Variants in QSOX1 observed in about 807,000 individuals in gnomAD.
QSOX1 encodes the protein sulfhydryl oxidase 1.
Under a neutral mutation model 76.1 loss-of-function variants are expected in QSOX1, and 40 were observed. The observed-to-expected ratio is 0.53, with a 90% CI of 0.41 to 0.68. QSOX1 has a LOEUF of 0.68. QSOX1 is among the 30% of genes least tolerant of loss of function. The pLI, the probability that QSOX1 is intolerant of heterozygous loss-of-function variation, is 0.00. For missense variants in QSOX1, 931 were observed against 974.3 expected (o/e 0.96, Z 0.59); for synonymous variants, 392 against 413.1 (o/e 0.95, Z 0.62).
chr1:180,179,679 T>TC (rs1233027774), intron 5 of QSOX1, among the ~76,000 whole-genome samples: 2 of 152,210 alleles, frequency 1.3e-5, no homozygotes, highest in African/African-American at 4.8e-5. Context: ...CGGGAGATAC[T>TC]CCAAGTCAGT....
chr1:180,155,219 C>T, intron 1 of QSOX1, 47 bp downstream of exon 1: 2 of 1,414,598 alleles, frequency 1.4e-6, no homozygotes, highest in East Asian at 6.0e-5. Flanking sequence ...CCGCCCGGAC[C>T]CCTCCACCTG....
intron 2 of QSOX1, among the ~76,000 whole-genome samples, chr1:180,174,781 G>A (rs1662843752): frequency 6.6e-6 from 1 of 152,128 alleles, no homozygotes; most frequent in African/African-American, 2.4e-5. Flanking sequence ...GCTTCTGAGG[G>A]GTGTGGGAGG....
chr1:180,184,140 T>C lies in QSOX1; in HGVS notation c.887+90T>C, dbSNP rs1055778952. On this transcript the variant is annotated intron_variant, in intron 7 of 11. Coordinates refer to ENST00000367602, the MANE Select transcript of QSOX1 (RefSeq NM_002826.5). Reference sequence around the variant, plus strand: ...ACACCCACGCCCTCTTGCTCATTCTTCTTCCTTGTCATATGATTAGTGTGT... The same window carrying C: ...ACACCCACGCCCTCTTGCTCATTCTCCTTCCTTGTCATATGATTAGTGTGT... 8 of 1,476,944 alleles carry C rather than the reference T, an allele frequency of 5.4e-6. No individual in the cohort carries two copies. In the African/African-American group the frequency reaches 1.1e-4, roughly 20 times the overall value. 91.5% of individuals were successfully genotyped at this position (1,476,944 alleles called of 1,614,324 possible).
chr1:180,171,757 A>G (rs1353058499), intron 2 of QSOX1, among the ~76,000 whole-genome samples: 1 of 152,186 alleles, frequency 6.6e-6, no homozygotes, highest in Non-Finnish European at 1.5e-5. Context: ...ACAGGAGAGC[A>G]GTCGAAAGTG....
At chr1:180,161,788 CTTG>C (rs1158722965) in intron 1 of QSOX1, among the ~76,000 whole-genome samples, 1 of 152,150 alleles carries the variant, frequency 6.6e-6, no homozygotes, top group Non-Finnish European at 1.5e-5. Flanking sequence ...GTAATTAATT[CTTG>C]TTGTGCTTGA....
intron 2 of QSOX1, among the ~76,000 whole-genome samples, chr1:180,173,691 T>G (rs567116972): frequency 7.2e-5 from 11 of 152,244 alleles, no homozygotes; most frequent in African/African-American, 2.6e-4. Context: ...TACAAATGTC[T>G]GTAACAAACA....
At chr1:180,186,907 G>A (rs1027273495) in intron 8 of QSOX1, among the ~76,000 whole-genome samples, 2 of 152,302 alleles carry the variant, frequency 1.3e-5, no homozygotes, top group South Asian at 2.1e-4. Flanking sequence ...CCCTCTCTGC[G>A]CCCTTCCCTT....
chr1:180,157,607 G>T (rs866788710), intron 1 of QSOX1, among the ~76,000 whole-genome samples: 5 of 152,150 alleles, frequency 3.3e-5, no homozygotes, highest in Admixed American at 2.6e-4. Context: ...ACTGAATAGG[G>T]TTCATTTCTT....
chr1:180,175,462 C>A, intron 3 of QSOX1, 96 bp downstream of exon 3: 2 of 1,356,128 alleles, frequency 1.5e-6, no homozygotes, highest in South Asian at 1.2e-5. Context: ...CCCTGGCAGT[C>A]GGCAGGGTCG....
chr1:180,178,428 A>G (rs529099944), intron 4 of QSOX1, among the ~76,000 whole-genome samples: 106 of 152,300 alleles, frequency 7.0e-4, no homozygotes, highest in African/African-American at 2.5e-3. Context: ...GGCTTTCACC[A>G]TGTTGGCCAG....
In QSOX1 at chr1:180,198,590, G is replaced by T. The variant is rs1282836831; in HGVS notation, c.*1553G>T. Reference sequence around the variant, plus strand: ...GGGATGCCAAGGCCACTCCTGCTATGGGGCAGCTGGGGCTGGGGAGGGATG... The same window carrying T: ...GGGATGCCAAGGCCACTCCTGCTATTGGGCAGCTGGGGCTGGGGAGGGATG... On this transcript the variant is annotated 3_prime_UTR_variant, in exon 12 of 12. Coordinates refer to ENST00000367602, the MANE Select transcript of QSOX1 (RefSeq NM_002826.5). The T allele has an allele frequency of 1.4e-5, 5 of 355,868 alleles. No homozygotes were observed. The highest frequency in any genetic ancestry group is 2.3e-5 in the Non-Finnish European group (4 of 177,212). 22.0% of individuals were successfully genotyped at this position (355,868 alleles called of 1,614,324 possible).
At chr1:180,194,429 T>G in intron 11 of QSOX1, 37 bp downstream of exon 11, 1 of 1,502,990 alleles carries the variant, frequency 6.7e-7, no homozygotes, top group South Asian at 1.3e-5. Context: ...GAGTCACTTG[T>G]GGGGGACGAG....
chr1:180,163,955 G>A (rs1397405017), intron 1 of QSOX1, among the ~76,000 whole-genome samples: 2 of 152,184 alleles, frequency 1.3e-5, no homozygotes, highest in African/African-American at 2.4e-5. Flanking sequence ...CATGGGACAC[G>A]GAGGGTAGGT....
At chr1:180,155,555 C>T (rs1323892517) in intron 1 of QSOX1, among the ~76,000 whole-genome samples, 1 of 152,188 alleles carries the variant, frequency 6.6e-6, no homozygotes, top group Admixed American at 6.5e-5. Flanking sequence ...CAGTCCTCTT[C>T]CTCTCGTCCA....
In QSOX1 at chr1:180,197,549, A is replaced by G. The variant is rs1028028573; in HGVS notation, c.*512A>G. ...GAGGAAGGACCACCCCGGGCCCTCTATGCCTGGCCAGCCTCCAGCTCCTCA... is the reference window on the plus strand; with the variant it reads ...GAGGAAGGACCACCCCGGGCCCTCTGTGCCTGGCCAGCCTCCAGCTCCTCA... On this transcript the variant is annotated 3_prime_UTR_variant, in exon 12 of 12. Coordinates refer to ENST00000367602, the MANE Select transcript of QSOX1 (RefSeq NM_002826.5). 19 of 700,890 alleles carry G rather than the reference A, an allele frequency of 2.7e-5. No homozygotes were observed. The highest frequency in any genetic ancestry group is 4.2e-5 in the Non-Finnish European group (18 of 429,146). The allele number at this position is 700,890 out of a possible 1,614,324, so 43.4% of individuals were successfully genotyped here.
intron 7 of QSOX1, among the ~76,000 whole-genome samples, chr1:180,185,562 C>A (rs1162437077): frequency 6.6e-6 from 1 of 152,242 alleles, no homozygotes; most frequent in African/African-American, 2.4e-5. Flanking sequence ...CCTCCTGCCC[C>A]CAGTCGCCAT....
chr1:180,175,821 A>G, intron 3 of QSOX1, 110 bp from the exon 4 acceptor site: 1 of 817,628 alleles, frequency 1.2e-6, no homozygotes, highest in African/African-American at 1.7e-5. Flanking sequence ...TGTCTCTGTC[A>G]GAGCTGGCTG....
rs1255225250 is a variant in QSOX1 at position 180,183,959 on chromosome 1, C to G, written c.796C>G (p.Leu266Val). 6.2e-7 allele frequency: 1 copy of G among 1,613,798 alleles called. No individual in the cohort carries two copies. The highest frequency in any genetic ancestry group is 1.1e-5 in the South Asian group (1 of 91,074). The part of the protein sequence containing the change: ...RSFYTAYLQR[L>V]SGLTREAAQT... ...CTTCTATACCGCTTACCTGCAGAGA[C>G]TCTCTGGGCTCACCAGGGAGGCTGC... Residue 266 changes from leucine (L) to valine (V), a missense_variant, in exon 7 of 12, where the codon CTC becomes GTC. By Grantham distance (32) the Leu-to-Val change is conservative. Transcript: ENST00000367602.
chr1:180,184,415 ATT>A lies in QSOX1; in HGVS notation c.887+369_887+370del, dbSNP rs769507929. On this transcript the variant is annotated intron_variant, in intron 7 of 11. Transcript: ENST00000367602. ...CCAAGCAATTATTTGTGCAGTCAAT[ATT>A]TTTGAGTACTCACTATGTGCTAGGC... 7.2e-4 allele frequency among the ~76,000 whole-genome samples: 110 copies of A among 152,146 alleles called. 3 individuals carry two copies. The highest frequency in any genetic ancestry group is 1.8e-4 in the Non-Finnish European group (12 of 68,022).
Sources: allele counts gnomAD v4.1 joint callset (sites outside exome capture counted in the v4.1 genomes callset), GRCh38; gene constraint gnomAD v4.1.1; transcripts MANE v1.5; gene names NCBI Gene and HGNC (gene_info 2026-07-23, HGNC 2026-07-21).